Variants in ZHX2 observed in about 807,000 individuals in gnomAD.
The protein encoded by ZHX2 is zinc fingers and homeoboxes protein 2.
In ZHX2, 6 loss-of-function variants were observed where a neutral mutation model predicts 21.9. The observed-to-expected ratio is 0.27, with a 90% CI of 0.15 to 0.54. The LOEUF is 0.54. Among genes scored for constraint, ZHX2 ranks in the 20% least tolerant of loss-of-function variants. ZHX2 has a pLI of 0.95. For synonymous variants in ZHX2, 434 were observed against 437.1 expected (o/e 0.99, Z 0.09); for missense variants, 908 against 1,090.7 (o/e 0.83, Z 2.36).
intron 2 of ZHX2, among the ~76,000 whole-genome samples, chr8:122,944,121 C>T (rs897445790): frequency 6.6e-6 from 1 of 152,304 alleles, no homozygotes; most frequent in South Asian, 2.1e-4. Context: ...TTCTACTCCC[C>T]CTTTGAAGCC....
chr8:122,952,119 C>T lies in ZHX2; in HGVS notation c.609C>T (p.Pro203=), dbSNP rs1292053738. 6.8e-6 allele frequency: 11 copies of T among 1,613,396 alleles called. No homozygotes were observed. Among genetic ancestry groups the T allele is most frequent in the East Asian group, 4.5e-5 (2 of 44,872 alleles). The part of the protein sequence containing the change: ...KADAKKVPKK[P]EEITPENHVE... ...ATGCCAAGAAGGTGCCCAAGAAGCCCGAGGAGATCACCCCCGAGAACCACG... is the reference window on the plus strand; with the variant it reads ...ATGCCAAGAAGGTGCCCAAGAAGCCTGAGGAGATCACCCCCGAGAACCACG... Residue 203 remains proline, a synonymous_variant, in exon 3 of 4, where the codon CCC becomes CCT. Transcript: ENST00000314393. This position sits in a 1 kb window ranked among gnomAD's most constrained non-coding sequence, Gnocchi z 6.9.
rs1341219316 is a variant in ZHX2 at position 122,951,328 on chromosome 8, A to C, written c.-183A>C. The stretch of plus-strand genomic sequence containing the variant: ...CCTGGTGTGTTTAGTGGTTGGTGCC[A>C]TTCCAATTTTCTGTGCTGAAATCAT... On this transcript the variant is annotated 5_prime_UTR_variant, in exon 3 of 4. Coordinates refer to ENST00000314393, the MANE Select transcript of ZHX2 (RefSeq NM_014943.5). 3 of 606,250 alleles carry C rather than the reference A, an allele frequency of 4.9e-6. No individual in the cohort carries two copies. In the East Asian group the frequency reaches 8.4e-5, roughly 17 times the overall value. The allele number at this position is 606,250 out of a possible 1,614,324, so 37.6% of individuals were successfully genotyped here.
chr8:122,908,995 T>C (rs1406319594), intron 2 of ZHX2, among the ~76,000 whole-genome samples: 1 of 152,208 alleles, frequency 6.6e-6, no homozygotes. Flanking sequence ...AGTTCTAACT[T>C]GTTCTATAAT....
At chr8:122,789,755 T>C (rs1817474289) in intron 1 of ZHX2, among the ~76,000 whole-genome samples, 1 of 152,220 alleles carries the variant, frequency 6.6e-6, no homozygotes, top group African/African-American at 2.4e-5. Flanking sequence ...CAGGAGAGGA[T>C]TGAAGCGCCA....
chr8:122,925,289 G>A lies in ZHX2; in HGVS notation c.-219-26003G>A, dbSNP rs372433620. On this transcript the variant is annotated intron_variant, in intron 2 of 3. Transcript: ENST00000314393. ...GTGTCTTGTGCAAATTGCACTAGAC[G>A]TCAAGAGATAGGCAGCGTAGAGGAG... is the stretch of plus-strand genomic sequence containing the variant. Among the ~76,000 whole-genome samples the A allele has an allele frequency of 2.6e-4, 39 of 152,314 alleles. 1 individual carries two copies. Among genetic ancestry groups the A allele is most frequent in the Non-Finnish European group, 4.3e-4 (29 of 68,014 alleles).
rs184949800 is a variant in ZHX2 at position 122,823,778 on chromosome 8, G to A, written c.-282-39699G>A. Among the ~76,000 whole-genome samples the A allele has an allele frequency of 6.7e-4, 102 of 152,232 alleles. No homozygotes were observed. The South Asian group carries it at 0.019, about 29-fold the overall frequency. ...TGAGGGGTCTTCCCAGACCAGTTAC[G>A]GCTGCTGTTGACACCTTCTATCCAC... On this transcript the variant is annotated intron_variant, in intron 1 of 3. Transcript: ENST00000314393.
At position 122,873,517 on chromosome 8, in the gene ZHX2, C is replaced by T. The variant is rs534159112; in HGVS notation, c.-220+9978C>T. 5.6e-4 allele frequency among the ~76,000 whole-genome samples: 85 copies of T among 152,278 alleles called. 1 individual carries two copies. The highest frequency in any genetic ancestry group is 2.0e-3 in the African/African-American group (84 of 41,550). On this transcript the variant is annotated intron_variant, in intron 2 of 3. Coordinates refer to ENST00000314393, the MANE Select transcript of ZHX2 (RefSeq NM_014943.5). ...GGTCACTGGTTGAGCAGCATCAGAG[C>T]GGGCATGCAGAGAAGGGCCCCTCGT... is the stretch of plus-strand genomic sequence containing the variant.
chr8:122,921,076 T>G (rs572017489), intron 2 of ZHX2, among the ~76,000 whole-genome samples: 46 of 151,966 alleles, frequency 3.0e-4, no homozygotes, highest in Middle Eastern at 3.4e-3. Context: ...TTTGGTTTTG[T>G]TTTTGTTTTT....
intron 1 of ZHX2, among the ~76,000 whole-genome samples, chr8:122,861,448 G>C (rs1819165074): frequency 6.6e-6 from 1 of 152,164 alleles, no homozygotes; most frequent in South Asian, 2.1e-4. Flanking sequence ...AATGCCAGTT[G>C]TCTAGTTTAC....
chr8:122,834,081 T>C (rs1480422057), intron 1 of ZHX2, among the ~76,000 whole-genome samples: 1 of 151,924 alleles, frequency 6.6e-6, no homozygotes, highest in Non-Finnish European at 1.5e-5. Flanking sequence ...GACTTGTCCC[T>C]CAATTCCCAC....
intron 3 of ZHX2, among the ~76,000 whole-genome samples, chr8:122,968,975 A>C (rs1813652952): frequency 1.3e-5 from 2 of 152,176 alleles, no homozygotes; most frequent in African/African-American, 2.4e-5. Context: ...CCTGGCGAAC[A>C]TAGTGAAATC....
At chr8:122,937,726 C>T (rs1189529772) in intron 2 of ZHX2, among the ~76,000 whole-genome samples, 3 of 149,984 alleles carry the variant, frequency 2.0e-5, no homozygotes, top group African/African-American at 7.4e-5. Flanking sequence ...ATTACGGTGC[C>T]CACTACCACA....
chr8:122,812,354 AGTT>A (rs1170096522), intron 1 of ZHX2, among the ~76,000 whole-genome samples: 4 of 152,184 alleles, frequency 2.6e-5, no homozygotes, highest in Non-Finnish European at 5.9e-5. Context: ...ACTCTGTGAT[AGTT>A]GTTGTTCTTA....
chr8:122,953,527 G>A lies in ZHX2; in HGVS notation c.2017G>A (p.Val673Met), dbSNP rs199503659. 1.9e-6 allele frequency: 3 copies of A among 1,614,236 alleles called. No individual in the cohort carries two copies. The East Asian group carries it at 6.7e-5, about 36-fold the overall frequency. Residue 673 changes from valine (V) to methionine (M), a missense_variant, in exon 3 of 4, where the codon GTG becomes ATG. Coordinates refer to ENST00000314393, the MANE Select transcript of ZHX2 (RefSeq NM_014943.5). The surrounding 1 kb of genome is among the most constrained non-coding windows in gnomAD (Gnocchi z 4.6). ...AKTGLVRTEIVRWFKENRCLL... is the reference protein window; with the variant it reads ...AKTGLVRTEIMRWFKENRCLL... Reference sequence around the variant, plus strand: ...GACTGGCCTGGTCCGAACTGAGATTGTGCGTTGGTTCAAGGAGAACAGATG... The same window carrying A: ...GACTGGCCTGGTCCGAACTGAGATTATGCGTTGGTTCAAGGAGAACAGATG...
At position 122,828,527 on chromosome 8, in the gene ZHX2, G is replaced by GCTAAACCCATGGCAGGAGAC. The variant is rs1818308962; in HGVS notation, c.-282-34949_-282-34930dup. Among the ~76,000 whole-genome samples the GCTAAACCCATGGCAGGAGAC allele has an allele frequency of 6.6e-6, 1 of 152,220 alleles. No homozygotes were observed. The highest frequency in any genetic ancestry group is 1.5e-5 in the Non-Finnish European group (1 of 68,038). ...CCACGAATGCATCTACCAGTGTGCA[G>GCTAAACCCATGGCAGGAGAC]CTAAACCCATGGCAGGAGACGCTGT... On this transcript the variant is annotated intron_variant, in intron 1 of 3. Transcript: ENST00000314393. This position sits in a 1 kb window ranked among gnomAD's most constrained non-coding sequence, Gnocchi z 5.2.
intron 3 of ZHX2, among the ~76,000 whole-genome samples, chr8:122,965,298 T>C (rs118104867): frequency 0.047 from 7,174 of 152,260 alleles, 235 homozygotes; most frequent in Admixed American, 0.097. Context: ...CTATGAACTT[T>C]CCTCTTGGCA....
chr8:122,920,102 C>T (rs935538385), intron 2 of ZHX2, among the ~76,000 whole-genome samples: 10 of 152,098 alleles, frequency 6.6e-5, no homozygotes, highest in African/African-American at 2.4e-4. Context: ...GGCAAAACTC[C>T]GTCTCTACTA....
At chr8:122,818,776 A>AACTCCTGC (rs1818082345) in intron 1 of ZHX2, among the ~76,000 whole-genome samples, 1 of 152,232 alleles carries the variant, frequency 6.6e-6, no homozygotes. Flanking sequence ...GGAATTGATC[A>AACTCCTGC]ACTCCTGCTG....
At chr8:122,879,574 T>G (rs1819654328) in intron 2 of ZHX2, among the ~76,000 whole-genome samples, 1 of 150,052 alleles carries the variant, frequency 6.7e-6, no homozygotes, top group Admixed American at 6.6e-5. Flanking sequence ...ATTTCATACT[T>G]GATATCTTCC....
Sources: gnomAD v4.1 joint callset for allele counts (sites outside exome capture counted in the v4.1 genomes callset) on GRCh38, gnomAD v4.1.1 for gene constraint, Gnocchi (gnomAD v3.1) non-coding constraint, MANE v1.5 for transcripts, NCBI Gene and HGNC (gene_info 2026-07-23, HGNC 2026-07-21) for gene names.